Variants in CNTN5 observed in about 807,000 individuals in gnomAD.
CNTN5 encodes contactin-5.
A neutral mutation model predicts 129.1 loss-of-function variants in CNTN5; 77 were observed. That is an observed-to-expected ratio of 0.60 (90% CI 0.50 to 0.72). The LOEUF (loss-of-function observed/expected upper bound fraction) is 0.72, where lower values mean the gene tolerates loss of function less well. Ranked by LOEUF, CNTN5 falls within the 30% of genes least tolerant of loss-of-function variation. The pLI, the probability that CNTN5 is intolerant of heterozygous loss-of-function variation, is 0.00. For missense variants in CNTN5, 1,478 were observed against 1,328.8 expected (o/e 1.11, Z -1.75); for synonymous variants, 509 against 465.6 (o/e 1.09, Z -1.20).
intron 3 of CNTN5, among the ~76,000 whole-genome samples, chr11:99,779,342 T>G (rs1239171635): frequency 6.6e-6 from 1 of 152,040 alleles, no homozygotes; most frequent in East Asian, 1.9e-4. Context: ...GAATTTTTAA[T>G]GTATTTCAAG....
chr11:99,725,395 CAA>C (rs1008443292), intron 3 of CNTN5, among the ~76,000 whole-genome samples: 1 of 151,772 alleles, frequency 6.6e-6, no homozygotes, highest in African/African-American at 2.4e-5. Flanking sequence ...TAACTTTTCA[CAA>C]AGAGAAATTT....
chr11:99,464,452 G>C (rs113325632), intron 2 of CNTN5, among the ~76,000 whole-genome samples: 1,841 of 152,150 alleles, frequency 0.012, 37 homozygotes, highest in African/African-American at 0.042. Context: ...ACATATTTGT[G>C]AAAGCTGGCA....
intron 7 of CNTN5, among the ~76,000 whole-genome samples, chr11:99,923,316 G>C (rs1258718861): frequency 6.6e-6 from 1 of 152,066 alleles, no homozygotes; most frequent in Non-Finnish European, 1.5e-5. Context: ...TAGCCCAAAT[G>C]AGTTTTGATT....
intron 2 of CNTN5, among the ~76,000 whole-genome samples, chr11:99,429,388 AACTTC>A (rs1466891442): frequency 6.6e-6 from 1 of 152,154 alleles, no homozygotes; most frequent in Non-Finnish European, 1.5e-5. Flanking sequence ...CCCTACTTTA[AACTTC>A]ACTTTTCTTG....
At chr11:99,170,141 AT>A (rs2135537730) in intron 1 of CNTN5, among the ~76,000 whole-genome samples, 1 of 152,192 alleles carries the variant, frequency 6.6e-6, no homozygotes, top group African/African-American at 2.4e-5. Flanking sequence ...GGTTACTAAT[AT>A]TTTGTGTATA....
At chr11:99,999,819 A>G (rs1293560199) in intron 8 of CNTN5, among the ~76,000 whole-genome samples, 1 of 152,040 alleles carries the variant, frequency 6.6e-6, no homozygotes, top group African/African-American at 2.4e-5. Context: ...ATGGAATACT[A>G]CGCAGCCATA....
At chr11:99,206,002 G>T (rs1004143923) in intron 1 of CNTN5, among the ~76,000 whole-genome samples, 8 of 151,968 alleles carry the variant, frequency 5.3e-5, no homozygotes, top group African/African-American at 1.9e-4. Context: ...GCTCTGTGAG[G>T]GCAAAGTGGC....
chr11:99,568,295 T>G (rs1465454840), intron 3 of CNTN5, among the ~76,000 whole-genome samples: 1 of 152,218 alleles, frequency 6.6e-6, no homozygotes, highest in Non-Finnish European at 1.5e-5. Context: ...ACATTGATTT[T>G]CTTTATTATT....
chr11:99,745,287 G>A (rs1404694080), intron 3 of CNTN5, among the ~76,000 whole-genome samples: 3 of 152,002 alleles, frequency 2.0e-5, no homozygotes, highest in African/African-American at 7.3e-5. Flanking sequence ...GCTTCACTAA[G>A]GTCAATGTAA....
chr11:99,505,691 A>G (rs1434815617), intron 2 of CNTN5, among the ~76,000 whole-genome samples: 3 of 152,164 alleles, frequency 2.0e-5, no homozygotes, highest in Admixed American at 2.0e-4. Flanking sequence ...TCCTCCCCCA[A>G]TCCCTATGTA....
intron 18 of CNTN5, among the ~76,000 whole-genome samples, chr11:100,285,251 C>G (rs1275627995): frequency 6.6e-6 from 1 of 152,092 alleles, no homozygotes; most frequent in Non-Finnish European, 1.5e-5. Flanking sequence ...GAGTTAAACA[C>G]GTTTGTTGAT....
chr11:99,076,030 A>G (rs1028570088), intron 1 of CNTN5, among the ~76,000 whole-genome samples: 2 of 152,096 alleles, frequency 1.3e-5, no homozygotes, highest in African/African-American at 2.4e-5. Flanking sequence ...TATTTATTCC[A>G]ATACGAACTA....
intron 13 of CNTN5, among the ~76,000 whole-genome samples, chr11:100,177,916 G>T (rs1235966285): frequency 6.6e-6 from 1 of 151,982 alleles, no homozygotes; most frequent in Non-Finnish European, 1.5e-5. Flanking sequence ...CTTCTGACCT[G>T]GTTTATGGCC....
At chr11:99,645,103 TA>T (rs796095561) in intron 3 of CNTN5, among the ~76,000 whole-genome samples, 11 of 144,698 alleles carry the variant, frequency 7.6e-5, no homozygotes, top group Admixed American at 6.9e-5. Context: ...GTCTCTACTT[TA>T]AAAAAAAAAG....
chr11:100,314,671 AAG>A (rs1951542375), intron 21 of CNTN5, among the ~76,000 whole-genome samples: 1 of 152,108 alleles, frequency 6.6e-6, no homozygotes, highest in Non-Finnish European at 1.5e-5. Context: ...ACACTTGAGC[AAG>A]AGTCATTTGG....
chr11:100,308,739 G>A (rs1951409440), intron 21 of CNTN5: 2 of 1,047,498 alleles, frequency 1.9e-6, no homozygotes, highest in Non-Finnish European at 2.3e-6. Context: ...GCTACAGGTA[G>A]ATATTTAATT....
At chr11:99,798,103 C>T (rs918355974) in intron 3 of CNTN5, among the ~76,000 whole-genome samples, 2 of 152,006 alleles carry the variant, frequency 1.3e-5, no homozygotes, top group Admixed American at 1.3e-4. Context: ...GATCCTTTCC[C>T]TCCTCCTACC....
At chr11:99,636,474 G>C (rs954472839) in intron 3 of CNTN5, among the ~76,000 whole-genome samples, 1 of 151,700 alleles carries the variant, frequency 6.6e-6, no homozygotes, top group Non-Finnish European at 1.5e-5. Flanking sequence ...TAGGAGGCTG[G>C]GTCTTTGTCC....
intron 2 of CNTN5, among the ~76,000 whole-genome samples, chr11:99,345,504 C>T (rs1473219383): frequency 6.6e-6 from 1 of 152,108 alleles, no homozygotes; most frequent in Admixed American, 6.6e-5. Context: ...CAATTCTTAA[C>T]CTTGAAGCAC....
Sources: gnomAD v4.1 joint callset for allele counts (sites outside exome capture counted in the v4.1 genomes callset) on GRCh38, gnomAD v4.1.1 for gene constraint, MANE v1.5 for transcripts, NCBI Gene and HGNC (gene_info 2026-07-23, HGNC 2026-07-21) for gene names.